Variants in EXT1 observed in about 807,000 individuals in gnomAD.
EXT1 encodes exostosin glycosyltransferase 1, also known as exostosin-1.
Under a neutral mutation model 82.5 loss-of-function variants are expected in EXT1, and 20 were observed. The observed-to-expected ratio is 0.24, with a 90% CI of 0.17 to 0.35. The LOEUF (loss-of-function observed/expected upper bound fraction) is 0.35. Among genes scored for constraint, EXT1 ranks in the 10% least tolerant of loss-of-function variants. The pLI is 1.00. For synonymous variants in EXT1, 348 were observed against 350.8 expected, an observed-to-expected ratio of 0.99 and a Z score of 0.09; for missense variants, 757 against 936.5, an observed-to-expected ratio of 0.81 and a Z score of 2.50.
chr8:118,081,303 C>T (rs1667321153), intron 1 of EXT1, among the ~76,000 whole-genome samples: 1 of 152,132 alleles, frequency 6.6e-6, no homozygotes, highest in South Asian at 2.1e-4. Flanking sequence ...AAACATTTTG[C>T]AGTATTTTTA....
At chr8:117,870,850 A>ACACACACAC (rs1563586222) in intron 1 of EXT1, among the ~76,000 whole-genome samples, 18 of 89,664 alleles carry the variant, frequency 2.0e-4, no homozygotes, top group African/African-American at 1.8e-3. Context: ...CACACACACA[A>ACACACACAC]AAGATTGAAG....
At chr8:118,073,647 G>GAGAA (rs1563647748) in intron 1 of EXT1, among the ~76,000 whole-genome samples, 1 of 97,120 alleles carries the variant, frequency 1.0e-5, no homozygotes, top group African/African-American at 3.9e-5. Context: ...GAGAAGAGAA[G>GAGAA]AGAAGAGAAG....
At chr8:117,827,814 A>G (rs1812032096) in intron 4 of EXT1, among the ~76,000 whole-genome samples, 1 of 144,692 alleles carries the variant, frequency 6.9e-6, no homozygotes, top group African/African-American at 2.5e-5. Context: ...AAAAAAAAAA[A>G]ATCTTAACAT....
chr8:117,897,556 A>C (rs1410715131), intron 1 of EXT1, among the ~76,000 whole-genome samples: 3 of 141,614 alleles, frequency 2.1e-5, no homozygotes, highest in African/African-American at 7.7e-5. Flanking sequence ...ACTTTCCAAG[A>C]GTGTCTTTGT....
intron 4 of EXT1, among the ~76,000 whole-genome samples, chr8:117,827,742 G>A (rs1365398898): frequency 2.2e-5 from 3 of 133,456 alleles, no homozygotes; most frequent in South Asian, 4.8e-4. Context: ...CTGAGATGGT[G>A]CCACTGTACT....
intron 1 of EXT1, among the ~76,000 whole-genome samples, chr8:118,042,691 G>T (rs1816554817): frequency 1.3e-5 from 2 of 152,192 alleles, no homozygotes; most frequent in African/African-American, 4.8e-5. Context: ...GAAATACCTG[G>T]TATATTTCCA....
At chr8:117,925,305 G>A (rs1813931920) in intron 1 of EXT1, among the ~76,000 whole-genome samples, 1 of 151,766 alleles carries the variant, frequency 6.6e-6, no homozygotes, top group African/African-American at 2.4e-5. Context: ...CATTTAGTAT[G>A]GTCTCTGGCA....
chr8:117,939,030 T>C (rs1025566832), intron 1 of EXT1, among the ~76,000 whole-genome samples: 1 of 152,126 alleles, frequency 6.6e-6, no homozygotes, highest in Non-Finnish European at 1.5e-5. Flanking sequence ...CCCCCTCCTT[T>C]TATTTTTCAA....
intron 1 of EXT1, among the ~76,000 whole-genome samples, chr8:117,902,621 C>T (rs1399126731): frequency 6.6e-6 from 1 of 152,108 alleles, no homozygotes; most frequent in African/African-American, 2.4e-5. Context: ...GCTTCCCAGG[C>T]AAACAAAATA....
chr8:118,000,850 C>T (rs1815647441), intron 1 of EXT1, among the ~76,000 whole-genome samples: 3 of 152,074 alleles, frequency 2.0e-5, no homozygotes, highest in East Asian at 3.9e-4. Flanking sequence ...ATTCTATCTA[C>T]ACAAAGAAAG....
Position 118,035,488 on chromosome 8 carries a change from T to G in EXT1, c.962+74597A>C, listed in dbSNP as rs149337028. Among the ~76,000 whole-genome samples, 694 of 152,150 alleles carry G rather than the reference T, an allele frequency of 4.6e-3. 5 individuals carry two copies. Among genetic ancestry groups the G allele is most frequent in the Non-Finnish European group, 5.3e-3 (358 of 68,002 alleles). On this transcript the variant is annotated intron_variant, in intron 1 of 10. Coordinates refer to ENST00000378204, the MANE Select transcript of EXT1 (RefSeq NM_000127.3). ...CAATCCTTGTCATTTCTTTCTAATG[T>G]ATAATAATTAAAGGAATAAATAGAA...
Position 118,110,513 on chromosome 8 carries a change from C to T in EXT1, c.534G>A (p.Val178=). The T allele has an allele frequency of 1.2e-6, 2 of 1,614,152 alleles. No homozygotes were observed. Among genetic ancestry groups the T allele is most frequent in the South Asian group, 2.2e-5 (2 of 91,082 alleles). Residue 178 remains valine, a synonymous_variant, in exon 1 of 11, where the codon GTG becomes GTA. Transcript: ENST00000378204. ...PQYVHNLRSK[V]QSLHLWNNGR... Reference sequence around the variant, plus strand: ...CATTGTTCCACAAGTGGAGACTCTGCACTTTGGATCTCAAATTGTGCACAT... The same window carrying T: ...CATTGTTCCACAAGTGGAGACTCTGTACTTTGGATCTCAAATTGTGCACAT...
chr8:118,110,105 T>G lies in EXT1; in HGVS notation c.942A>C (p.Arg314Ser), dbSNP rs1191253387. Residue 314 changes from arginine to serine, a missense_variant, in exon 1 of 11, where the codon AGA becomes AGC. Around this residue, in one of 4 missense-constraint regions of EXT1, gnomAD observed 247 missense variants for 330.1 expected, o/e 0.75. Transcript: ENST00000378204. Reference sequence around the variant, plus strand: ...CTTACTTCTCATACTCGGTGTTGTCTCTGTCACAGCGAGAATCCTTGTGCT... The same window carrying G: ...CTTACTTCTCATACTCGGTGTTGTCGCTGTCACAGCGAGAATCCTTGTGCT... ...WQKHKDSRCD[R>S]DNTEYEKYDY... The G allele has an allele frequency of 6.2e-7, 1 of 1,614,020 alleles. No individual in the cohort carries two copies. The highest frequency in any genetic ancestry group is 8.5e-7 in the Non-Finnish European group (1 of 1,180,046).
intron 1 of EXT1, among the ~76,000 whole-genome samples, chr8:117,997,929 T>C (rs1328610948): frequency 6.6e-6 from 1 of 152,160 alleles, no homozygotes; most frequent in Non-Finnish European, 1.5e-5. Context: ...TGGTTCAGTT[T>C]TATGCTTTTG....
At position 117,796,945 on chromosome 8, in the gene EXT1, A is replaced by G. The variant is rs1823097471; in HGVS notation, c.*2767T>C. On this transcript the variant is annotated 3_prime_UTR_variant, in exon 11 of 11. Transcript: ENST00000378204. Reference sequence around the variant, plus strand: ...AGCTGGGAAAAGATGCTGTGTGGAAATCCATAAGTGGCTGAGTCCTCTTTG... The same window carrying G: ...AGCTGGGAAAAGATGCTGTGTGGAAGTCCATAAGTGGCTGAGTCCTCTTTG... 6.6e-6 allele frequency: 1 copy of G among 152,224 alleles called. No homozygotes were observed. The highest frequency in any genetic ancestry group is 1.5e-5 in the Non-Finnish European group (1 of 68,040). The allele number at this position is 152,224 out of a possible 1,614,324, so 9.4% of individuals were successfully genotyped here.
chr8:117,913,211 G>C (rs1813685565), intron 1 of EXT1, among the ~76,000 whole-genome samples: 1 of 152,144 alleles, frequency 6.6e-6, no homozygotes, highest in Admixed American at 6.5e-5. Context: ...GACAGAAAGA[G>C]ACTCCATTTT....
intron 1 of EXT1, among the ~76,000 whole-genome samples, chr8:118,092,658 G>C (rs974815007): frequency 2.6e-5 from 4 of 152,146 alleles, no homozygotes; most frequent in Non-Finnish European, 4.4e-5. Context: ...GGACTAGGGG[G>C]ACTTTCGAAA....
intron 1 of EXT1, among the ~76,000 whole-genome samples, chr8:117,857,285 GT>G (rs1453156620): frequency 6.6e-6 from 1 of 152,186 alleles, no homozygotes; most frequent in East Asian, 1.9e-4. Context: ...GCCAGGCACA[GT>G]GGCTCATGCC....
chr8:118,067,241 G>A (rs1160951055), intron 1 of EXT1, among the ~76,000 whole-genome samples: 3 of 152,250 alleles, frequency 2.0e-5, no homozygotes, highest in Non-Finnish European at 2.9e-5. Context: ...ACACACCTGA[G>A]CTAACTGGCT....
Sources: gnomAD v4.1 joint callset for allele counts (sites outside exome capture counted in the v4.1 genomes callset) on GRCh38, gnomAD v4.1.1 for gene constraint, gnomAD v4.1.1 regional missense constraint, MANE v1.5 for transcripts, NCBI Gene and HGNC (gene_info 2026-07-23, HGNC 2026-07-21) for gene names.